The following CADPS2 variants were observed in gnomAD, a reference collection of about 807,000 sequenced individuals.
CADPS2 encodes the protein calcium dependent secretion activator 2, also known as calcium-dependent secretion activator 2.
CADPS2 carries 93 observed loss-of-function variants against 172.5 expected under a neutral mutation model. That is an observed-to-expected ratio of 0.54 (90% CI 0.46 to 0.64). CADPS2 has a LOEUF of 0.64. Among genes scored for constraint, CADPS2 ranks in the 30% least tolerant of loss-of-function variants. The pLI is 0.00. For synonymous variants in CADPS2, 546 were observed against 555.2 expected (o/e 0.98, Z 0.23); for missense variants, 1,420 against 1,565.9 (o/e 0.91, Z 1.57).
In CADPS2 at chr7:122,663,323, G is replaced by C. The variant is rs981851697; in HGVS notation, c.700C>G (p.Leu234Val). ...MALSAVSELI[L>V]SKEQLYEMFQ... ...ATTTCATAGAGTTGTTCCTTGCTCA[G>C]AATAAGTTCAGACACTGCACTTAGG... Residue 234 changes from leucine (L) to valine (V), a missense_variant, in exon 3 of 30, where the codon CTG becomes GTG. Physicochemically the swap from Leu to Val is conservative, Grantham distance 32 (BLOSUM62 1). Transcript: ENST00000449022. The C allele has an allele frequency of 6.2e-7, 1 of 1,613,898 alleles. No individual in the cohort carries two copies. The highest frequency in any genetic ancestry group is 1.3e-5 in the African/African-American group (1 of 75,038).
At chr7:122,532,245 C>T (rs1030610670) in intron 8 of CADPS2, among the ~76,000 whole-genome samples, 1 of 152,094 alleles carries the variant, frequency 6.6e-6, no homozygotes, top group Non-Finnish European at 1.5e-5. Flanking sequence ...ACTACTCTGA[C>T]TTATATGGAC....
At chr7:122,837,951 C>T (rs1260301731) in intron 1 of CADPS2, among the ~76,000 whole-genome samples, 1 of 152,136 alleles carries the variant, frequency 6.6e-6, no homozygotes, top group Non-Finnish European at 1.5e-5. Context: ...CATCCTGATA[C>T]CAAAGCCTGG....
chr7:122,347,606 T>C (rs2037883343), intron 27 of CADPS2, among the ~76,000 whole-genome samples: 1 of 152,198 alleles, frequency 6.6e-6, no homozygotes, highest in African/African-American at 2.4e-5. Context: ...TACACAATGT[T>C]GGCTATCTAT....
intron 3 of CADPS2, among the ~76,000 whole-genome samples, chr7:122,645,295 A>G (rs1417253681): frequency 5.0e-5 from 7 of 138,686 alleles, no homozygotes; most frequent in Non-Finnish European, 1.6e-5. Flanking sequence ...ATGTACATAT[A>G]TACACATATG....
chr7:122,783,148 G>A (rs1793182163), intron 1 of CADPS2, among the ~76,000 whole-genome samples: 1 of 150,590 alleles, frequency 6.6e-6, no homozygotes, highest in Non-Finnish European at 1.5e-5. Flanking sequence ...CCTGGGAGGG[G>A]GAGCTTGCAG....
intron 28 of CADPS2, chr7:122,332,157 T>A (rs527315220): frequency 6.6e-6 from 1 of 152,270 alleles, no homozygotes; most frequent in Admixed American, 6.5e-5. Context: ...AATAACGTAA[T>A]ATACAATGTA....
rs183363731 is a variant in CADPS2, at chr7:122,657,363, G to C, written c.786+5874C>G. On this transcript the variant is annotated intron_variant, in intron 3 of 29. Coordinates refer to ENST00000449022, the MANE Select transcript of CADPS2 (RefSeq NM_017954.11). The stretch of plus-strand genomic sequence containing the variant: ...CTGTGAAGAAAGTCATTGGTAGCTT[G>C]ATGGGGATGGCATTGAATCTATAAA... Among the ~76,000 whole-genome samples the C allele has an allele frequency of 4.8e-4, 73 of 152,298 alleles. No individual in the cohort carries two copies. The East Asian group carries it at 0.01, about 21-fold the overall frequency.
intron 7 of CADPS2, among the ~76,000 whole-genome samples, chr7:122,575,583 T>G (rs2067922370): frequency 6.6e-6 from 1 of 151,822 alleles, no homozygotes. Context: ...ATTACAGGTG[T>G]GCACCACCAC....
chr7:122,534,434 ATAT>A (rs1295086933), intron 8 of CADPS2, among the ~76,000 whole-genome samples: 2 of 152,104 alleles, frequency 1.3e-5, no homozygotes, highest in African/African-American at 2.4e-5. Context: ...AGGCTGAAAG[ATAT>A]TATGCAGATT....
At chr7:122,717,975 T>A (rs2089860797) in intron 2 of CADPS2, among the ~76,000 whole-genome samples, 1 of 121,780 alleles carries the variant, frequency 8.2e-6, no homozygotes, top group Non-Finnish European at 1.6e-5. Flanking sequence ...CACACTCGGC[T>A]AATTTTTTTT....
chr7:122,631,444 A>T (rs562239782), intron 3 of CADPS2, among the ~76,000 whole-genome samples: 1 of 152,198 alleles, frequency 6.6e-6, no homozygotes, highest in African/African-American at 2.4e-5. Context: ...TTACAACTAC[A>T]TATTTTTTCT....
At position 122,839,363 on chromosome 7, in the gene CADPS2, G is replaced by A. The variant is rs1457522482; in HGVS notation, c.339+46636C>T. Reference sequence around the variant, plus strand: ...CTAGGCAATACCATTCAGGACATAGGCATGGGCAAGGACTTCATGTCTAAA... The same window carrying A: ...CTAGGCAATACCATTCAGGACATAGACATGGGCAAGGACTTCATGTCTAAA... On this transcript the variant is annotated intron_variant, in intron 1 of 29. Coordinates refer to ENST00000449022, the MANE Select transcript of CADPS2 (RefSeq NM_017954.11). 2.6e-5 allele frequency among the ~76,000 whole-genome samples: 4 copies of A among 152,186 alleles called. No homozygotes were observed. The East Asian group carries it at 7.7e-4, about 29-fold the overall frequency.
chr7:122,382,189 A>T (rs1479630460), intron 24 of CADPS2: 3 of 152,170 alleles, frequency 2.0e-5, no homozygotes, highest in African/African-American at 7.2e-5. Flanking sequence ...AATCCTTGCT[A>T]AAAAATGTAT....
intron 22 of CADPS2, among the ~76,000 whole-genome samples, chr7:122,391,810 G>A (rs2044394128): frequency 6.6e-6 from 1 of 152,078 alleles, no homozygotes; most frequent in South Asian, 2.1e-4. Flanking sequence ...TTGGTGGTGG[G>A]ATAGGTAGAA....
At chr7:122,849,984 C>T (rs1563171161) in intron 1 of CADPS2, 4 of 662,342 alleles carry the variant, frequency 6.0e-6, no homozygotes, top group Non-Finnish European at 9.5e-6. Flanking sequence ...ATGGGCCCAC[C>T]TGCCCCCAAG....
At chr7:122,820,714 C>T (rs1802988842) in intron 1 of CADPS2, among the ~76,000 whole-genome samples, 1 of 134,056 alleles carries the variant, frequency 7.5e-6, no homozygotes, top group Admixed American at 7.7e-5. Flanking sequence ...CGCCCGCTAC[C>T]ACGCCCGGCT....
chr7:122,419,466 C>A (rs1333838316), intron 17 of CADPS2, among the ~76,000 whole-genome samples: 1 of 152,128 alleles, frequency 6.6e-6, no homozygotes, highest in Non-Finnish European at 1.5e-5. Flanking sequence ...ACTTATCTTT[C>A]TTAATTTCTC....
At chr7:122,561,604 C>A (rs2065791841) in intron 7 of CADPS2, among the ~76,000 whole-genome samples, 1 of 152,070 alleles carries the variant, frequency 6.6e-6, no homozygotes, top group Non-Finnish European at 1.5e-5. Context: ...GTCTACGCTC[C>A]TTGAGAGCAA....
At chr7:122,538,487 A>T (rs983470177) in intron 8 of CADPS2, among the ~76,000 whole-genome samples, 7 of 151,572 alleles carry the variant, frequency 4.6e-5, no homozygotes, top group African/African-American at 7.3e-5. Context: ...ATTTAATTTT[A>T]AAAAATTTTC....
Sources: allele counts gnomAD v4.1 joint callset (sites outside exome capture counted in the v4.1 genomes callset), GRCh38; gene constraint gnomAD v4.1.1; transcripts MANE v1.5; gene names NCBI Gene and HGNC (gene_info 2026-07-23, HGNC 2026-07-21).